PTER: variants seen among roughly 807,000 people sequenced by gnomAD.
PTER encodes phosphotriesterase related, also known as N-acetyltaurine hydrolase.
Under a neutral mutation model 29.6 loss-of-function variants are expected in PTER, and 38 were observed. The ratio of observed to expected loss-of-function variants is 1.28; its 90% CI spans 0.99 to 1.68. The LOEUF (loss-of-function observed/expected upper bound fraction) is 1.68. PTER is among the 40% of genes most tolerant of loss of function. PTER has a pLI of 0.00. For missense variants in PTER, 482 were observed against 427.8 expected (o/e 1.13, Z -1.12); for synonymous variants, 172 against 154.5 (o/e 1.11, Z -0.84).
rs893782255 is a variant in PTER at position 16,511,610 on chromosome 10, T to C, written c.*354T>C. ...TTAAAGTGTTTCTAGTTAAATTATT[T>C]CCTTCTTGAGCGATCTAATGTTTCT... On this transcript the variant is annotated 3_prime_UTR_variant, in exon 5 of 5. Coordinates refer to ENST00000535784, the MANE Select transcript of PTER (RefSeq NM_001261836.2). 3 of 220,556 alleles carry C rather than the reference T, an allele frequency of 1.4e-5. No homozygotes were observed. The highest frequency in any genetic ancestry group is 6.7e-5 in the African/African-American group (3 of 44,770). The allele number at this position is 220,556 out of a possible 1,614,324, so 13.7% of individuals were successfully genotyped here. A position where few individuals can be genotyped will look rare whatever the true frequency, so the allele number is the denominator to read the frequency against.
At chr10:16,485,996 G>A (rs926065094) in intron 2 of PTER, among the ~76,000 whole-genome samples, 2 of 152,030 alleles carry the variant, frequency 1.3e-5, no homozygotes, top group African/African-American at 4.8e-5. Flanking sequence ...CAATTCATTG[G>A]CGGTCTTTCT....
chr10:16,503,333 T>G (rs1382210762), intron 3 of PTER, among the ~76,000 whole-genome samples: 1 of 151,908 alleles, frequency 6.6e-6, no homozygotes, highest in Non-Finnish European at 1.5e-5. Context: ...TTCAAGTGAT[T>G]CTCATGCCTC....
chr10:16,516,303 T>A (rs1340252041), downstream of PTER, among the ~76,000 whole-genome samples: 1 of 152,216 alleles, frequency 6.6e-6, no homozygotes, highest in African/African-American at 2.4e-5. Context: ...CAGTTTGACT[T>A]CATAATATTT....
chr10:16,493,274 T>G (rs1835968455), intron 3 of PTER, among the ~76,000 whole-genome samples: 1 of 152,194 alleles, frequency 6.6e-6, no homozygotes, highest in Admixed American at 6.5e-5. Flanking sequence ...TCCAAGCAAA[T>G]GTTTGACAAA....
Position 16,465,566 on chromosome 10 carries a change from G to A in PTER, c.-48-18771G>A, listed in dbSNP as rs367875501. On this transcript the variant is annotated intron_variant, in intron 1 of 4. Coordinates refer to ENST00000535784, the MANE Select transcript of PTER (RefSeq NM_001261836.2). ...CCTATAAAGAGGACATAATGCCAAC[G>A]AAAACATAGGTTTGCTTGTGGCTGA... Among the ~76,000 whole-genome samples, 10 of 152,120 alleles carry A rather than the reference G, an allele frequency of 6.6e-5. No homozygotes were observed. The East Asian group carries it at 7.7e-4, about 12-fold the overall frequency.
chr10:16,466,865 T>C (rs1834854684), intron 1 of PTER, among the ~76,000 whole-genome samples: 1 of 152,226 alleles, frequency 6.6e-6, no homozygotes, highest in Admixed American at 6.5e-5. Context: ...AGCAAGAAAT[T>C]CCTGAGGATG....
chr10:16,508,427 C>G (rs1244147223), intron 4 of PTER, among the ~76,000 whole-genome samples: 1 of 152,002 alleles, frequency 6.6e-6, no homozygotes, highest in Admixed American at 6.6e-5. Context: ...GATCGGCTTC[C>G]TTTTCCGAAG....
intron 1 of PTER, chr10:16,476,139 A>C (rs1409779131): frequency 6.6e-6 from 1 of 152,180 alleles, no homozygotes; most frequent in Non-Finnish European, 1.5e-5. Flanking sequence ...GCTGGAGTGC[A>C]ATGGTACGGC....
At position 16,459,805 on chromosome 10, in the gene PTER, A is replaced by G. The variant is rs544093083; in HGVS notation, c.-49+22758A>G. Among the ~76,000 whole-genome samples the G allele has an allele frequency of 2.6e-5, 4 of 152,112 alleles. No individual in the cohort carries two copies. The South Asian group carries it at 6.2e-4, about 24-fold the overall frequency. ...CTCTCCTTACTCAGGCTGGGGTGCA[A>G]TGCACCATCTTGGCTCACCACAACC... On this transcript the variant is annotated intron_variant, in intron 1 of 4. Coordinates refer to ENST00000535784, the MANE Select transcript of PTER (RefSeq NM_001261836.2).
At chr10:16,483,791 G>T (rs1026877090) in intron 1 of PTER, among the ~76,000 whole-genome samples, 4 of 152,080 alleles carry the variant, frequency 2.6e-5, no homozygotes, top group African/African-American at 4.8e-5. Flanking sequence ...GGCGGAAGTT[G>T]CAGTGAGCTG....
chr10:16,463,696 G>C (rs1019249665), intron 1 of PTER, among the ~76,000 whole-genome samples: 1 of 152,200 alleles, frequency 6.6e-6, no homozygotes. Flanking sequence ...GATTACAGGC[G>C]TGAGCCACCA....
At chr10:16,493,242 CG>C (rs1835967045) in intron 3 of PTER, among the ~76,000 whole-genome samples, 4 of 152,110 alleles carry the variant, frequency 2.6e-5, no homozygotes, top group Non-Finnish European at 5.9e-5. Flanking sequence ...CGTGAATTAA[CG>C]GGAAGTCATT....
At chr10:16,492,894 C>T (rs1588622093) in intron 3 of PTER, among the ~76,000 whole-genome samples, 1 of 152,110 alleles carries the variant, frequency 6.6e-6, no homozygotes, top group African/African-American at 2.4e-5. Flanking sequence ...GGGAACTGGC[C>T]GACAGCACAT....
At position 16,470,880 on chromosome 10, in the gene PTER, T is replaced by C. The variant is rs185633902; in HGVS notation, c.-48-13457T>C. On this transcript the variant is annotated intron_variant, in intron 1 of 4. Transcript: ENST00000535784. ...ACAATTTATTGTTCTTGATTCTTTT[T>C]TTTTTAACTTAAAAATGATGACTGA... Among the ~76,000 whole-genome samples the C allele has an allele frequency of 5.9e-4, 90 of 152,364 alleles. 1 individual carries two copies. The highest frequency in any genetic ancestry group is 2.0e-3 in the African/African-American group (83 of 41,582).
In PTER at chr10:16,512,266, C is replaced by A. The variant is rs757998659; in HGVS notation, c.*1010C>A. 5 of 152,076 alleles carry A rather than the reference C, an allele frequency of 3.3e-5. No homozygotes were observed. The highest frequency in any genetic ancestry group is 9.7e-5 in the African/African-American group (4 of 41,422). The allele number at this position is 152,076 out of a possible 1,614,324, so 9.4% of individuals were successfully genotyped here. ...TTGTGTAAATAAAATGTTTTTAAAA[C>A]CTGTTAGTTAAAACACTTAGGTGAT... On this transcript the variant is annotated 3_prime_UTR_variant, in exon 5 of 5. Transcript: ENST00000535784.
At chr10:16,439,843 G>A (rs1403524298) in intron 1 of PTER, among the ~76,000 whole-genome samples, 4 of 152,106 alleles carry the variant, frequency 2.6e-5, no homozygotes, top group East Asian at 1.9e-4. Flanking sequence ...GATTACAGGC[G>A]TGAGCCACGG....
intron 1 of PTER, among the ~76,000 whole-genome samples, chr10:16,460,688 G>A (rs1834578879): frequency 6.6e-6 from 1 of 152,164 alleles, no homozygotes; most frequent in African/African-American, 2.4e-5. Flanking sequence ...TTTAAGAAAT[G>A]TATTAAAATT....
At chr10:16,489,681 T>C (rs1353799737) in intron 3 of PTER, among the ~76,000 whole-genome samples, 1 of 152,200 alleles carries the variant, frequency 6.6e-6, no homozygotes, top group Admixed American at 6.5e-5. Flanking sequence ...CTTTTAAACA[T>C]TTTGAAATGT....
chr10:16,441,925 G>A (rs1833864469), intron 1 of PTER, among the ~76,000 whole-genome samples: 1 of 151,864 alleles, frequency 6.6e-6, no homozygotes, highest in Admixed American at 6.6e-5. Flanking sequence ...TTAAACGGGT[G>A]GGATGTGCTC....
Sources: allele counts gnomAD v4.1 joint callset (sites outside exome capture counted in the v4.1 genomes callset), GRCh38; gene constraint gnomAD v4.1.1; transcripts MANE v1.5; gene names NCBI Gene and HGNC (gene_info 2026-07-23, HGNC 2026-07-21).